KCNQ1: variants seen among roughly 807,000 people sequenced by gnomAD.
KCNQ1 encodes potassium voltage-gated channel subfamily Q member 1, also known as potassium voltage-gated channel subfamily KQT member 1.
A neutral mutation model predicts 72.4 loss-of-function variants in KCNQ1; 49 were observed. The observed-to-expected ratio is 0.68, with a 90% CI of 0.54 to 0.86. KCNQ1 has a LOEUF of 0.86. Ranked by LOEUF, KCNQ1 falls within the 40% of genes least tolerant of loss-of-function variation. KCNQ1 has a pLI of 0.00. For missense variants in KCNQ1, 790 were observed against 945.1 expected, an observed-to-expected ratio of 0.84 and a Z score of 2.15; for synonymous variants, 450 against 412.6, an observed-to-expected ratio of 1.09 and a Z score of -1.10.
chr11:2,662,255 C>G, intron 11 of KCNQ1, 174 bp downstream of exon 11: 1 of 730,236 alleles, frequency 1.4e-6, no homozygotes, highest in Non-Finnish European at 2.3e-6. Context: ...GAGAGGAGAG[C>G]AAGGGCACTT....
At position 2,563,679 on chromosome 11, in the gene KCNQ1, G is replaced by T. The variant is rs969685737; in HGVS notation, c.478-6949G>T. Among the ~76,000 whole-genome samples the T allele has an allele frequency of 2.6e-5, 4 of 152,018 alleles. No homozygotes were observed. The highest frequency in any genetic ancestry group is 2.9e-5 in the Non-Finnish European group (2 of 67,982). On this transcript the variant is annotated intron_variant, in intron 2 of 15. Transcript: ENST00000155840. The surrounding 1 kb of genome is among the most constrained non-coding windows in gnomAD (Gnocchi z 7.4). ...TTGGCATCCAGGGCCCCCCGTGAAG[G>T]ATGGCACCGAGCACCATTCAACATA...
rs1393609532 is a variant in KCNQ1 at position 2,659,942 on chromosome 11, C to T, written c.1394-2019C>T. 5 of 398,278 alleles carry T rather than the reference C, an allele frequency of 1.3e-5. No homozygotes were observed. The highest frequency in any genetic ancestry group is 8.8e-5 in the Admixed American group (2 of 22,712). 24.7% of individuals were successfully genotyped at this position (398,278 alleles called of 1,614,324 possible). ...TTCTTTATATATTCTGAGTGCAAGT[C>T]CTTGACCTGATAGGTGATATGCAAA... On this transcript the variant is annotated intron_variant, in intron 10 of 15. Transcript: ENST00000155840. This position sits in a 1 kb window ranked among gnomAD's most constrained non-coding sequence, Gnocchi z 4.3.
chr11:2,633,081 T>C (rs1849389686), intron 10 of KCNQ1: 2 of 398,404 alleles, frequency 5.0e-6, no homozygotes, highest in South Asian at 1.3e-4. Flanking sequence ...GCATTTGTTA[T>C]GTTTTGTCTT....
intron 10 of KCNQ1, chr11:2,641,312 A>C (rs567908531): frequency 2.5e-6 from 1 of 398,368 alleles, no homozygotes; most frequent in Admixed American, 4.4e-5. Flanking sequence ...CCTCTCCAGC[A>C]TTGGTTAATT....
At chr11:2,840,555 G>A (rs941939682) in intron 15 of KCNQ1, 3 of 152,174 alleles carry the variant, frequency 2.0e-5, no homozygotes, top group Non-Finnish European at 4.4e-5. Context: ...TTGGAATGGA[G>A]GAGGCCCTTC....
rs540912615 is a variant in KCNQ1, at chr11:2,619,866, T to C, written c.1393+31012T>C. ...GAGGTTTTGGGGTTTTTTTAACTTT[T>C]ATTTTTGATTTAGAGGGTATATGTA... On this transcript the variant is annotated intron_variant, in intron 10 of 15. Transcript: ENST00000155840. 70 of 398,592 alleles carry C rather than the reference T, an allele frequency of 1.8e-4. No individual in the cohort carries two copies. Among genetic ancestry groups the C allele is most frequent in the African/African-American group, 1.3e-3 (61 of 48,710 alleles). The allele number at this position is 398,592 out of a possible 1,614,324, so 24.7% of individuals were successfully genotyped here.
At chr11:2,846,808 G>C (rs1848338420) in intron 15 of KCNQ1, among the ~76,000 whole-genome samples, 1 of 152,260 alleles carries the variant, frequency 6.6e-6, no homozygotes, top group African/African-American at 2.4e-5. Context: ...GGGCTTCTCT[G>C]CTGCCTCCGC....
chr11:2,711,401 G>C lies in KCNQ1; in HGVS notation c.1514+49320G>C, dbSNP rs1851003087. 6.6e-6 allele frequency among the ~76,000 whole-genome samples: 1 copy of C among 152,154 alleles called. No individual in the cohort carries two copies. Among genetic ancestry groups the C allele is most frequent in the African/African-American group, 2.4e-5 (1 of 41,426 alleles). Reference sequence around the variant, plus strand: ...TGTTGCCCAAGTCTTTGCACATCCTGCATCCTGCCTGGAGTGTTCTCTCTC... The same window carrying C: ...TGTTGCCCAAGTCTTTGCACATCCTCCATCCTGCCTGGAGTGTTCTCTCTC... On this transcript the variant is annotated intron_variant, in intron 11 of 15. Coordinates refer to ENST00000155840, the MANE Select transcript of KCNQ1 (RefSeq NM_000218.3). This position sits in a 1 kb window ranked among gnomAD's most constrained non-coding sequence, Gnocchi z 5.4.
chr11:2,564,118 T>G lies in KCNQ1; in HGVS notation c.478-6510T>G, dbSNP rs1034447088. Among the ~76,000 whole-genome samples the G allele has an allele frequency of 6.7e-6, 1 of 150,290 alleles. No homozygotes were observed. The highest frequency in any genetic ancestry group is 6.6e-5 in the Admixed American group (1 of 15,152). ...CACACATAACGTAAAATTCACCATT[T>G]CAGCCATTTCAGCCATTTCAGCCAT... On this transcript the variant is annotated intron_variant, in intron 2 of 15. Transcript: ENST00000155840. This position sits in a 1 kb window ranked among gnomAD's most constrained non-coding sequence, Gnocchi z 4.5.
rs1278311157 is a variant in KCNQ1 at position 2,694,798 on chromosome 11, T to C, written c.1514+32717T>C. On this transcript the variant is annotated intron_variant, in intron 11 of 15. Coordinates refer to ENST00000155840, the MANE Select transcript of KCNQ1 (RefSeq NM_000218.3). ...TGCTTTGCAGAGACTCGAAAGGTAG[T>C]CGTCAGCTAGTGAGTGACTGAAGGG... The C allele has an allele frequency of 2.5e-5, 10 of 398,492 alleles. No homozygotes were observed. In the Admixed American group the frequency reaches 3.5e-4, roughly 14 times the overall value. 24.7% of individuals were successfully genotyped at this position (398,492 alleles called of 1,614,324 possible). A position where few individuals can be genotyped will look rare whatever the true frequency, so the allele number is the denominator to read the frequency against.
In KCNQ1 at chr11:2,766,396, C is replaced by A. The variant is rs1263135807; in HGVS notation, c.1515-2448C>A. 6.6e-6 allele frequency among the ~76,000 whole-genome samples: 1 copy of A among 152,208 alleles called. No individual in the cohort carries two copies. The highest frequency in any genetic ancestry group is 1.5e-5 in the Non-Finnish European group (1 of 68,048). On this transcript the variant is annotated intron_variant, in intron 11 of 15. Transcript: ENST00000155840. This position sits in a 1 kb window ranked among gnomAD's most constrained non-coding sequence, Gnocchi z 4.4. The stretch of plus-strand genomic sequence containing the variant: ...GAGCCACTGGGTTGTCAGCCAGGGT[C>A]TCTCAGCTCTCCTTCACGCGGCTGT...
chr11:2,721,676 C>T lies in KCNQ1; in HGVS notation c.1515-47168C>T, dbSNP rs1421165373. 3.3e-5 allele frequency among the ~76,000 whole-genome samples: 5 copies of T among 152,358 alleles called. No homozygotes were observed. In the East Asian group the frequency reaches 9.7e-4, roughly 29 times the overall value. Reference sequence around the variant, plus strand: ...AGGAGGACCCACTCACTCTGGGCCACTTCTGATGCTGCAGATCACGCCAGG... The same window carrying T: ...AGGAGGACCCACTCACTCTGGGCCATTTCTGATGCTGCAGATCACGCCAGG... On this transcript the variant is annotated intron_variant, in intron 11 of 15. Transcript: ENST00000155840.
intron 11 of KCNQ1, among the ~76,000 whole-genome samples, chr11:2,722,405 G>T (rs376486850): frequency 6.6e-6 from 1 of 152,288 alleles, no homozygotes; most frequent in East Asian, 1.9e-4. Context: ...GGGGGCTGCA[G>T]CCTGGAACTG....
At chr11:2,790,995 T>C (rs926670153) in intron 15 of KCNQ1, among the ~76,000 whole-genome samples, 2 of 152,214 alleles carry the variant, frequency 1.3e-5, no homozygotes, top group Non-Finnish European at 2.9e-5. Flanking sequence ...CTCTCTTTCT[T>C]GGGGTGTTTC....
At chr11:2,448,207 G>C (rs1220041859) in intron 1 of KCNQ1, among the ~76,000 whole-genome samples, 1 of 152,202 alleles carries the variant, frequency 6.6e-6, no homozygotes, top group Non-Finnish European at 1.5e-5. Flanking sequence ...GAGATGCTTG[G>C]AGATCCTGGT....
At chr11:2,618,682 G>A in intron 10 of KCNQ1, 1 of 398,392 alleles carries the variant, frequency 2.5e-6, no homozygotes. Context: ...GCTACTTAAG[G>A]TTCTTGCTAT....
chr11:2,588,881 C>G lies in KCNQ1; in HGVS notation c.1393+27C>G. On this transcript the variant is annotated intron_variant, in intron 10 of 15. Transcript: ENST00000155840. This position sits in a 1 kb window ranked among gnomAD's most constrained non-coding sequence, Gnocchi z 5.6. ...TGAGAACCCCTCAGGCAGTTGGGGGCCGCGGGGCCGGGAAGGTCACTGCCT... is the reference window on the plus strand; with the variant it reads ...TGAGAACCCCTCAGGCAGTTGGGGGGCGCGGGGCCGGGAAGGTCACTGCCT... The G allele has an allele frequency of 6.2e-7, 1 of 1,609,686 alleles. No individual in the cohort carries two copies. Among genetic ancestry groups the G allele is most frequent in the East Asian group, 2.2e-5 (1 of 44,852 alleles).
intron 5 of KCNQ1, among the ~76,000 whole-genome samples, chr11:2,572,582 G>A (rs1434703002): frequency 1.3e-5 from 2 of 152,218 alleles, no homozygotes; most frequent in Non-Finnish European, 2.9e-5. Flanking sequence ...AAAGAGAGCT[G>A]GGCAATCAGT....
rs1208420435 is a variant in KCNQ1, at chr11:2,848,532, C to T, written c.*529C>T. ...ATTTGGAGGGCCTGGGCCTGGCTCC[C>T]TCACTCTCAGGAAATGCTGACCCAT... On this transcript the variant is annotated 3_prime_UTR_variant, in exon 16 of 16. Transcript: ENST00000155840. 4 of 454,596 alleles carry T rather than the reference C, an allele frequency of 8.8e-6. No individual in the cohort carries two copies. In the Admixed American group the frequency reaches 9.4e-5, roughly 11 times the overall value. The allele number at this position is 454,596 out of a possible 1,614,324, so 28.2% of individuals were successfully genotyped here. A position where few individuals can be genotyped will look rare whatever the true frequency, so the allele number is the denominator to read the frequency against.
Sources: gnomAD v4.1 joint callset for allele counts (sites outside exome capture counted in the v4.1 genomes callset) on GRCh38, gnomAD v4.1.1 for gene constraint, Gnocchi (gnomAD v3.1) non-coding constraint, MANE v1.5 for transcripts, NCBI Gene and HGNC (gene_info 2026-07-23, HGNC 2026-07-21) for gene names.